The following CFAP77 variants were observed in gnomAD, a reference collection of about 807,000 sequenced individuals.
The protein encoded by CFAP77 is cilia- and flagella-associated protein 77.
A neutral mutation model predicts 31.1 loss-of-function variants in CFAP77; 25 were observed. The observed-to-expected ratio is 0.80, with a 90% CI of 0.59 to 1.12. CFAP77 has a LOEUF of 1.12. Among genes scored for constraint, CFAP77 ranks in the 50% most tolerant of loss-of-function variants. The pLI, the probability that CFAP77 is intolerant of heterozygous loss-of-function variation, is 0.00. For synonymous variants in CFAP77, 151 were observed against 159.9 expected, an observed-to-expected ratio of 0.94 and a Z score of 0.42; for missense variants, 377 against 397.3, an observed-to-expected ratio of 0.95 and a Z score of 0.44.
intron 3 of CFAP77, among the ~76,000 whole-genome samples, chr9:132,522,915 A>C (rs1324379649): frequency 6.6e-6 from 1 of 152,212 alleles, no homozygotes; most frequent in Non-Finnish European, 1.5e-5. Flanking sequence ...ACGCGGCCTC[A>C]GCCAACTCTC....
intron 4 of CFAP77, among the ~76,000 whole-genome samples, chr9:132,538,739 C>T (rs150332517): frequency 0.039 from 5,859 of 152,106 alleles, 356 homozygotes; most frequent in African/African-American, 0.14. Context: ...GATTGCACCA[C>T]TTCACTCCAG....
In CFAP77 at chr9:132,565,106, T is replaced by G. The variant is rs1160890590; in HGVS notation, c.733-7282T>G. Among the ~76,000 whole-genome samples the G allele has an allele frequency of 2.0e-5, 3 of 151,902 alleles. No homozygotes were observed. The highest frequency in any genetic ancestry group is 3.9e-4 in the East Asian group (2 of 5,172). ...AGGATGTTATCCCAGGAGGGAACTA[T>G]GATTCCTAGGCAGATGGAGTAGAAA... On this transcript the variant is annotated intron_variant, in intron 5 of 5. Transcript: ENST00000393216. This position sits in a 1 kb window ranked among gnomAD's most constrained non-coding sequence, Gnocchi z 4.1.
intron 3 of CFAP77, among the ~76,000 whole-genome samples, chr9:132,504,780 T>C (rs1851905903): frequency 7.4e-6 from 1 of 134,260 alleles, no homozygotes; most frequent in Non-Finnish European, 1.6e-5. Context: ...ATGCCCAACC[T>C]GCGTGGAAAG....
intron 1 of CFAP77, among the ~76,000 whole-genome samples, chr9:132,479,330 T>C (rs1251760895): frequency 6.6e-6 from 1 of 152,080 alleles, no homozygotes; most frequent in Non-Finnish European, 1.5e-5. Context: ...TTTTCCCCCA[T>C]AGTTCATCCC....
intron 1 of CFAP77, among the ~76,000 whole-genome samples, chr9:132,483,462 C>T (rs918525234): frequency 6.6e-6 from 1 of 152,088 alleles, no homozygotes; most frequent in Non-Finnish European, 1.5e-5. Context: ...CAGCAGCCAC[C>T]CATCTTCTCC....
intron 5 of CFAP77, among the ~76,000 whole-genome samples, chr9:132,561,496 G>A (rs1281474040): frequency 6.6e-6 from 1 of 151,964 alleles, no homozygotes; most frequent in Admixed American, 6.6e-5. Context: ...TGCCCTGGCA[G>A]TGGGACTGGG....
chr9:132,518,292 C>T (rs1325003174), intron 3 of CFAP77, among the ~76,000 whole-genome samples: 1 of 152,162 alleles, frequency 6.6e-6, no homozygotes, highest in African/African-American at 2.4e-5. Flanking sequence ...GGCAAGCAAA[C>T]TGCCAACAAG....
chr9:132,450,757 T>C (rs1379972437), intron 1 of CFAP77, among the ~76,000 whole-genome samples: 1 of 152,220 alleles, frequency 6.6e-6, no homozygotes, highest in Non-Finnish European at 1.5e-5. Context: ...TGAACAGACC[T>C]GTCTTTATGC....
rs978918786 is a variant in CFAP77 at position 132,424,041 on chromosome 9, C to T, written c.195+13575C>T. ...TTGGGCAGAAAATTCACATCACACACGTGCACCTACGGCCAGAAGTTGACT... is the reference window on the plus strand; with the variant it reads ...TTGGGCAGAAAATTCACATCACACATGTGCACCTACGGCCAGAAGTTGACT... On this transcript the variant is annotated intron_variant, in intron 1 of 5. Coordinates refer to ENST00000393216, the MANE Select transcript of CFAP77 (RefSeq NM_001282957.2). The surrounding 1 kb of genome is among the most constrained non-coding windows in gnomAD (Gnocchi z 4.1). Among the ~76,000 whole-genome samples, 1 of 152,188 alleles carries T rather than the reference C, an allele frequency of 6.6e-6. No homozygotes were observed. The highest frequency in any genetic ancestry group is 1.9e-4 in the East Asian group (1 of 5,198).
In CFAP77 at chr9:132,523,579, C is replaced by T. The variant is rs145069741; in HGVS notation, c.525-14022C>T. 4.3e-4 allele frequency among the ~76,000 whole-genome samples: 66 copies of T among 152,316 alleles called. 1 individual carries two copies. The East Asian group carries it at 0.012, about 27-fold the overall frequency. ...AAGGCCGTCGCTTTTACAAATGTGA[C>T]CAGCTCAGTGAACAACTGGGAGGCA... On this transcript the variant is annotated intron_variant, in intron 3 of 5. Coordinates refer to ENST00000393216, the MANE Select transcript of CFAP77 (RefSeq NM_001282957.2).
chr9:132,410,318 A>G lies in CFAP77; in HGVS notation c.47A>G (p.Lys16Arg). 6.3e-7 allele frequency: 1 copy of G among 1,596,102 alleles called. No individual in the cohort carries two copies. The highest frequency in any genetic ancestry group is 1.4e-5 in the African/African-American group (1 of 72,970). The change falls in exon 1 of 6, where the codon AAG becomes AGG. Residue 16 changes from lysine to arginine, a missense_variant. Physicochemically the swap from Lys to Arg is conservative, Grantham distance 26. Transcript: ENST00000393216. ...GGCCCGGACCTCACGCGATGGAGGAAGCAGCAGCAGCCTGTGCGCCGCACG... is the reference window on the plus strand; with the variant it reads ...GGCCCGGACCTCACGCGATGGAGGAGGCAGCAGCAGCCTGTGCGCCGCACG... ...SSGPDLTRWR[K>R]QQQPVRRTVS...
At chr9:132,570,537 A>C (rs1829945036) in intron 5 of CFAP77, among the ~76,000 whole-genome samples, 3 of 152,200 alleles carry the variant, frequency 2.0e-5, no homozygotes, top group African/African-American at 7.2e-5. Flanking sequence ...GGGACTTGCA[A>C]AGGGCCCTGA....
chr9:132,542,788 G>T (rs1852668001), intron 4 of CFAP77, among the ~76,000 whole-genome samples, 158 bp from the exon 5 acceptor site: 1 of 152,152 alleles, frequency 6.6e-6, no homozygotes, highest in Admixed American at 6.5e-5. Context: ...GAGGCAGGTG[G>T]TGTGAAACAG....
intron 1 of CFAP77, among the ~76,000 whole-genome samples, chr9:132,412,378 G>T (rs1009572464): frequency 6.6e-6 from 1 of 152,168 alleles, no homozygotes; most frequent in African/African-American, 2.4e-5. Flanking sequence ...GTTCTTCGGG[G>T]TCTTTAAGGT....
intron 5 of CFAP77, among the ~76,000 whole-genome samples, chr9:132,571,278 C>T (rs1829956150): frequency 6.6e-6 from 1 of 152,108 alleles, no homozygotes; most frequent in Non-Finnish European, 1.5e-5. Flanking sequence ...CGCCGCATCC[C>T]CTCACAAAGT....
intron 1 of CFAP77, among the ~76,000 whole-genome samples, chr9:132,493,913 TTCTC>T (rs1406121216): frequency 6.6e-6 from 1 of 151,746 alleles, no homozygotes; most frequent in Non-Finnish European, 1.5e-5. Flanking sequence ...CTTCCTTCCT[TTCTC>T]TCTCTTTCTT....
rs1478787375 is a variant in CFAP77 at position 132,499,384 on chromosome 9, G to A, written c.308G>A (p.Trp103Ter). 6.2e-7 allele frequency: 1 copy of A among 1,613,960 alleles called. No individual in the cohort carries two copies. The highest frequency in any genetic ancestry group is 8.5e-7 in the Non-Finnish European group (1 of 1,180,024). ...TCCCTGCCCTCAGCCATCGGACGCT[G>A]GAACGTGTTCAAGCAGCAGCCCACC... ...DGGVPEAIGR[W>*]NVFKQQPTCP... The change falls in exon 3 of 6, where the codon TGG becomes TAG. Residue 103 changes from tryptophan (W) to a stop codon, truncating the protein, a stop_gained. Coordinates refer to ENST00000393216, the MANE Select transcript of CFAP77 (RefSeq NM_001282957.2). LOFTEE classifies it high-confidence loss of function. The surrounding 1 kb of genome is among the most constrained non-coding windows in gnomAD (Gnocchi z 5.4).
chr9:132,446,880 A>C (rs1396988096), intron 1 of CFAP77, among the ~76,000 whole-genome samples: 1 of 152,080 alleles, frequency 6.6e-6, no homozygotes, highest in East Asian at 1.9e-4. Flanking sequence ...GATAGGAATC[A>C]GTTTCCCATT....
chr9:132,444,315 A>G, intron 1 of CFAP77, among the ~76,000 whole-genome samples: 1 of 152,250 alleles, frequency 6.6e-6, no homozygotes, highest in Non-Finnish European at 1.5e-5. Context: ...GACAAATGCC[A>G]CATCTGGAAA....
Sources: gnomAD v4.1 joint callset for allele counts (sites outside exome capture counted in the v4.1 genomes callset) on GRCh38, gnomAD v4.1.1 for gene constraint, Gnocchi (gnomAD v3.1) non-coding constraint, MANE v1.5 for transcripts, NCBI Gene and HGNC (gene_info 2026-07-23, HGNC 2026-07-21) for gene names.